The following UBE2D3 variants were observed in gnomAD, a reference collection of about 807,000 sequenced individuals.
The protein encoded by UBE2D3 is ubiquitin conjugating enzyme E2 D3.
UBE2D3 carries 2 observed loss-of-function variants against 22.8 expected under a neutral mutation model. The ratio of observed to expected loss-of-function variants is 0.09; its 90% CI spans 0.04 to 0.28. The LOEUF (loss-of-function observed/expected upper bound fraction) is 0.28. Ranked by LOEUF, UBE2D3 falls within the 10% of genes least tolerant of loss-of-function variation. The pLI is 1.00. For missense variants in UBE2D3, 27 were observed against 182.5 expected (o/e 0.15, Z 4.91); for synonymous variants, 56 against 60.4 (o/e 0.93, Z 0.34).
intron 6 of UBE2D3, among the ~76,000 whole-genome samples, chr4:102,800,584 CAAG>C (rs1435243097): frequency 1.3e-5 from 2 of 151,890 alleles, no homozygotes; most frequent in African/African-American, 2.4e-5. Context: ...AGAAAGCATC[CAAG>C]AAGGTGAAAA....
At chr4:102,804,067 C>A (rs1461892661) in intron 4 of UBE2D3, among the ~76,000 whole-genome samples, 1 of 152,084 alleles carries the variant, frequency 6.6e-6, no homozygotes, top group Non-Finnish European at 1.5e-5. Context: ...CTGTACCCAG[C>A]CAGAGCTTAT....
At chr4:102,852,959 G>C (rs1732435095) in intron 1 of UBE2D3, among the ~76,000 whole-genome samples, 1 of 151,918 alleles carries the variant, frequency 6.6e-6, no homozygotes, top group Non-Finnish European at 1.5e-5. Flanking sequence ...CTTGTGACAA[G>C]AGAAATGCAT....
At chr4:102,816,257 T>C (rs1728765355) in intron 2 of UBE2D3, among the ~76,000 whole-genome samples, 1 of 152,230 alleles carries the variant, frequency 6.6e-6, no homozygotes, top group African/African-American at 2.4e-5. Flanking sequence ...ACCCAACTAT[T>C]AGTCCATTGT....
At chr4:102,805,923 T>C (rs895507047) in intron 4 of UBE2D3, among the ~76,000 whole-genome samples, 1 of 152,216 alleles carries the variant, frequency 6.6e-6, no homozygotes, top group African/African-American at 2.4e-5. Flanking sequence ...TCTTCCTCTC[T>C]TATCTCAGAA....
Position 102,868,775 on chromosome 4 carries a change from T to C in UBE2D3, c.-189A>G, listed in dbSNP as rs754915988. The C allele has an allele frequency of 2.7e-5, 43 of 1,613,836 alleles. No homozygotes were observed. In the African/African-American group the frequency reaches 5.3e-4, roughly 20 times the overall value. On this transcript the variant is annotated 5_prime_UTR_variant, in exon 1 of 8. Coordinates refer to the UBE2D3 transcript ENST00000338145. ...CATGCTTATCTCATCGCACACAGTATCCTTTCTGCTGGTCTCCAGCATCTA... is the reference window on the plus strand; with the variant it reads ...CATGCTTATCTCATCGCACACAGTACCCTTTCTGCTGGTCTCCAGCATCTA...
intron 1 of UBE2D3, among the ~76,000 whole-genome samples, chr4:102,842,286 C>T (rs1011761790): frequency 2.0e-5 from 3 of 151,276 alleles, no homozygotes; most frequent in African/African-American, 7.3e-5. Context: ...TGAGGTGCCT[C>T]ATGCCTGTAA....
At chr4:102,839,519 C>T (rs142848188) in intron 1 of UBE2D3, among the ~76,000 whole-genome samples, 52 of 152,288 alleles carry the variant, frequency 3.4e-4, no homozygotes, top group Admixed American at 1.6e-3. Context: ...GCAACCTGCC[C>T]GCCTCGGCTT....
chr4:102,809,569 T>C, intron 4 of UBE2D3, 103 bp downstream of exon 4: 1 of 1,200,218 alleles, frequency 8.3e-7, no homozygotes, highest in Admixed American at 2.8e-5. Context: ...CAAAATAGAA[T>C]TAACTATATG....
intron 2 of UBE2D3, among the ~76,000 whole-genome samples, chr4:102,817,048 A>T (rs1286191078): frequency 6.6e-6 from 1 of 152,192 alleles, no homozygotes; most frequent in Non-Finnish European, 1.5e-5. Context: ...CTGGCTCTTG[A>T]TGGAAAAATA....
upstream of UBE2D3, among the ~76,000 whole-genome samples, chr4:102,828,773 T>C (rs966812002): frequency 6.6e-6 from 1 of 152,210 alleles, no homozygotes; most frequent in African/African-American, 2.4e-5. Flanking sequence ...CTCAGTAGGA[T>C]TGGCCTGTTT....
Position 102,802,660 on chromosome 4 carries a change from TA to T in UBE2D3, c.121-23del, listed in dbSNP as rs771947980. ...CATTCTGTAAAAAGAAAAGTATGCT[TA>T]ACTCAAATTTAAAATATTATTGCTA... On this transcript the variant is annotated intron_variant, in intron 4 of 7. Transcript: ENST00000453744. 6 of 1,545,932 alleles carry T rather than the reference TA, an allele frequency of 3.9e-6. No individual in the cohort carries two copies. In the African/African-American group the frequency reaches 8.3e-5, roughly 21 times the overall value.
At chr4:102,798,902 G>A (rs752086328) in intron 7 of UBE2D3, 19 of 1,609,290 alleles carry the variant, frequency 1.2e-5, no homozygotes, top group Admixed American at 1.0e-4. Flanking sequence ...CATAATAAGC[G>A]CACCATAGAG....
intron 1 of UBE2D3, among the ~76,000 whole-genome samples, chr4:102,842,981 A>G (rs1233218392): frequency 6.9e-6 from 1 of 144,912 alleles, no homozygotes; most frequent in East Asian, 2.0e-4. Context: ...GTGGTGGTGC[A>G]TGCTTGTAAT....
At chr4:102,839,926 TTAAAAG>T (rs1386835938) in intron 1 of UBE2D3, among the ~76,000 whole-genome samples, 4 of 152,102 alleles carry the variant, frequency 2.6e-5, no homozygotes, top group African/African-American at 4.8e-5. Flanking sequence ...TACAAGGAAC[TTAAAAG>T]TAAAACAAAA....
rs1483505535 is a variant in UBE2D3, at chr4:102,827,538, G to C, written c.-240C>G. The C allele has an allele frequency of 3.0e-6, 3 of 986,148 alleles. No homozygotes were observed. The highest frequency in any genetic ancestry group is 2.4e-6 in the Non-Finnish European group (2 of 830,234). The allele number at this position is 986,148 out of a possible 1,614,324, so 61.1% of individuals were successfully genotyped here. A position where few individuals can be genotyped will look rare whatever the true frequency, so the allele number is the denominator to read the frequency against. On this transcript the variant is annotated 5_prime_UTR_variant, in exon 1 of 8. Coordinates refer to ENST00000453744, the MANE Select transcript of UBE2D3 (RefSeq NM_181891.3). ...CGCACGACACAGCCACAAGATGTCC[G>C]CTCTGACGGAACTACTGCCAGCTGC...
intron 1 of UBE2D3, among the ~76,000 whole-genome samples, chr4:102,864,369 A>AAAAAT (rs1308764934): frequency 6.6e-6 from 1 of 152,108 alleles, no homozygotes; most frequent in Non-Finnish European, 1.5e-5. Context: ...TTCCCAATTT[A>AAAAAT]TCCAGGAATG....
chr4:102,864,414 C>G (rs1341611956), intron 1 of UBE2D3, among the ~76,000 whole-genome samples: 2 of 36,404 alleles, frequency 5.5e-5, no homozygotes, highest in African/African-American at 5.8e-4. Context: ...GGTTTCAAAA[C>G]TAAATCAAAG....
At chr4:102,817,494 T>G (rs952666503) in intron 2 of UBE2D3, among the ~76,000 whole-genome samples, 1 of 152,172 alleles carries the variant, frequency 6.6e-6, no homozygotes, top group African/African-American at 2.4e-5. Context: ...AGCTTTAGGA[T>G]AGGTGAACTA....
At chr4:102,826,173 C>A (rs1730444400) in intron 2 of UBE2D3, among the ~76,000 whole-genome samples, 1 of 151,914 alleles carries the variant, frequency 6.6e-6, no homozygotes, top group Non-Finnish European at 1.5e-5. Context: ...TTCGGACCCC[C>A]AAAAAAACTC....
Sources: gnomAD v4.1 joint callset for allele counts (sites outside exome capture counted in the v4.1 genomes callset) on GRCh38, gnomAD v4.1.1 for gene constraint, MANE v1.5 for transcripts, NCBI Gene and HGNC (gene_info 2026-07-23, HGNC 2026-07-21) for gene names.